The following PHF24 variants were observed in gnomAD, a reference collection of about 807,000 sequenced individuals.
PHF24 encodes PHD finger protein 24.
Under a neutral mutation model 42.6 loss-of-function variants are expected in PHF24, and 25 were observed. That is an observed-to-expected ratio of 0.59 (90% CI 0.43 to 0.82). PHF24 has a LOEUF of 0.82. Ranked by LOEUF, PHF24 falls within the 40% of genes least tolerant of loss-of-function variation. The pLI, the probability that PHF24 is intolerant of heterozygous loss-of-function variation, is 0.00. For missense variants in PHF24, 470 were observed against 538.1 expected (o/e 0.87, Z 1.25); for synonymous variants, 185 against 204.8 (o/e 0.90, Z 0.83).
At chr9:34,743,631 T>C in the PHF24 span, among the ~76,000 whole-genome samples, 1 of 152,224 alleles carries the variant, frequency 6.6e-6, no homozygotes, top group South Asian at 2.1e-4. Flanking sequence ...CCTAGGAGTG[T>C]CACTTTTATA....
the PHF24 span, chr9:34,837,745 C>A: frequency 7.9e-7 from 1 of 1,258,288 alleles, no homozygotes; most frequent in South Asian, 1.3e-5. Flanking sequence ...ACACCATTTT[C>A]TTTCTCATGT....
At chr9:34,859,508 T>C in the PHF24 span, among the ~76,000 whole-genome samples, 1 of 152,208 alleles carries the variant, frequency 6.6e-6, no homozygotes. Flanking sequence ...TTGTTTTTTC[T>C]AGACCTTTGA....
chr9:34,846,276 T>G, the PHF24 span, among the ~76,000 whole-genome samples: 1 of 152,326 alleles, frequency 6.6e-6, no homozygotes, highest in East Asian at 1.9e-4. Context: ...TCCCGACTTT[T>G]TAATGATTGC....
At chr9:34,922,609 G>C in the PHF24 span, 1 of 980,168 alleles carries the variant, frequency 1.0e-6, no homozygotes, top group South Asian at 1.3e-5. Flanking sequence ...TGGGGATCAA[G>C]AACTTTTCCA....
the PHF24 span, among the ~76,000 whole-genome samples, chr9:34,820,339 A>G: frequency 6.6e-6 from 1 of 152,066 alleles, no homozygotes; most frequent in South Asian, 2.1e-4. Context: ...CACCCAGGTA[A>G]TAAACGTAGT....
the PHF24 span, among the ~76,000 whole-genome samples, chr9:34,925,995 G>A: frequency 2.6e-5 from 4 of 152,152 alleles, no homozygotes; most frequent in East Asian, 7.7e-4. Context: ...GGGTGTACTG[G>A]CCTTGGTTTT....
intron 1 of PHF24, among the ~76,000 whole-genome samples, chr9:34,970,434 A>G (rs1181410276): frequency 2.0e-5 from 3 of 152,180 alleles, no homozygotes; most frequent in Non-Finnish European, 4.4e-5. Context: ...AGATAAGCAG[A>G]CCCACAGAGA....
the PHF24 span, among the ~76,000 whole-genome samples, chr9:34,872,346 TCCCTCCC>T: frequency 1.8e-4 from 19 of 106,966 alleles, no homozygotes; most frequent in African/African-American, 5.7e-4. Flanking sequence ...CCCAATGCTA[TCCCTCCC>T]CCCTCCCCCC....
At chr9:34,774,047 A>C in the PHF24 span, among the ~76,000 whole-genome samples, 1 of 152,232 alleles carries the variant, frequency 6.6e-6, no homozygotes, top group African/African-American at 2.4e-5. Flanking sequence ...AGGTGACTAC[A>C]TGCAAAAATG....
At chr9:34,816,719 A>G in the PHF24 span, among the ~76,000 whole-genome samples, 1 of 152,224 alleles carries the variant, frequency 6.6e-6, no homozygotes, top group Non-Finnish European at 1.5e-5. Context: ...TAAAGTTTCA[A>G]TATAATGGAT....
At chr9:34,935,990 T>A in the PHF24 span, among the ~76,000 whole-genome samples, 1 of 147,362 alleles carries the variant, frequency 6.8e-6, no homozygotes, top group Non-Finnish European at 1.5e-5. Context: ...TGAATAAGAG[T>A]CCTCAAAAAA....
the PHF24 span, among the ~76,000 whole-genome samples, chr9:34,952,020 G>C: frequency 6.6e-6 from 1 of 152,146 alleles, no homozygotes; most frequent in East Asian, 1.9e-4. Context: ...TCAACATCAT[G>C]CTAGAAATAC....
the PHF24 span, among the ~76,000 whole-genome samples, chr9:34,875,608 CAT>C: frequency 6.6e-6 from 1 of 152,104 alleles, no homozygotes; most frequent in South Asian, 2.1e-4. Flanking sequence ...ACAGTCACTA[CAT>C]AGTCACAGTG....
At chr9:34,847,548 A>G in the PHF24 span, among the ~76,000 whole-genome samples, 1 of 152,174 alleles carries the variant, frequency 6.6e-6, no homozygotes, top group East Asian at 1.9e-4. Context: ...ATCTGCAAAC[A>G]GGGACAATTG....
chr9:34,826,189 C>T, the PHF24 span, among the ~76,000 whole-genome samples: 6 of 152,176 alleles, frequency 3.9e-5, no homozygotes, highest in African/African-American at 9.7e-5. Context: ...TGTCTCCGGG[C>T]ATGAGAATGC....
chr9:34,909,460 C>T, the PHF24 span, among the ~76,000 whole-genome samples: 1 of 151,748 alleles, frequency 6.6e-6, no homozygotes, highest in Non-Finnish European at 1.5e-5. Flanking sequence ...GCCAAATGCT[C>T]AATTCCTGTA....
the PHF24 span, among the ~76,000 whole-genome samples, chr9:34,865,921 T>C: frequency 2.7e-3 from 413 of 152,318 alleles, 2 homozygotes; most frequent in African/African-American, 9.3e-3. Context: ...TTCATAAAAG[T>C]GTGAACACAA....
At chr9:34,967,929 A>C (rs924893889) in intron 1 of PHF24, among the ~76,000 whole-genome samples, 5 of 152,176 alleles carry the variant, frequency 3.3e-5, no homozygotes, top group African/African-American at 9.7e-5. Flanking sequence ...TAAAGCCCAA[A>C]GCAACCAGCA....
At chr9:34,935,362 G>A in the PHF24 span, among the ~76,000 whole-genome samples, 77 of 152,332 alleles carry the variant, frequency 5.1e-4, no homozygotes, top group African/African-American at 1.8e-3. Flanking sequence ...GGGAGGCTGA[G>A]GCAGGCAGAT....
Sources: gnomAD v4.1 joint callset for allele counts (sites outside exome capture counted in the v4.1 genomes callset) on GRCh38, gnomAD v4.1.1 for gene constraint, MANE v1.5 for transcripts, NCBI Gene and HGNC (gene_info 2026-07-23, HGNC 2026-07-21) for gene names.